NXPE2: variants seen among roughly 807,000 people sequenced by gnomAD.
NXPE2 encodes NXPE family member 2.
Under a neutral mutation model 34.4 loss-of-function variants are expected in NXPE2, and 34 were observed. The observed-to-expected ratio is 0.99, with a 90% CI of 0.75 to 1.31. The LOEUF is 1.31. Ranked by LOEUF, NXPE2 falls within the 40% of genes most tolerant of loss-of-function variation. The probability of loss-of-function intolerance (pLI) is 0.00; values close to 1 mark genes in which losing one functional copy is unlikely to be tolerated. For missense variants in NXPE2, 649 were observed against 672.5 expected, an observed-to-expected ratio of 0.97 and a Z score of 0.39; for synonymous variants, 235 against 231.3, an observed-to-expected ratio of 1.02 and a Z score of -0.15.
chr11:114,642,521 G>A, the NXPE2 span, among the ~76,000 whole-genome samples: 1 of 151,976 alleles, frequency 6.6e-6, no homozygotes, highest in African/African-American at 2.4e-5. Flanking sequence ...ACAACATGCA[G>A]TATTTGGTTT....
At chr11:114,654,826 A>C in the NXPE2 span, among the ~76,000 whole-genome samples, 4 of 152,166 alleles carry the variant, frequency 2.6e-5, no homozygotes, top group African/African-American at 9.6e-5. Context: ...TTTCCTTTGG[A>C]TATATACCCA....
the NXPE2 span, among the ~76,000 whole-genome samples, chr11:114,800,746 C>G: frequency 1.3e-5 from 2 of 152,156 alleles, no homozygotes; most frequent in Non-Finnish European, 2.9e-5. Flanking sequence ...ATTGTGTAAT[C>G]TCTCTTGGTC....
At chr11:114,776,066 G>A in the NXPE2 span, among the ~76,000 whole-genome samples, 3 of 152,288 alleles carry the variant, frequency 2.0e-5, no homozygotes, top group South Asian at 6.2e-4. Flanking sequence ...CTCCATGGGA[G>A]GACCTGGGCA....
downstream of NXPE2, chr11:114,707,505 C>T (rs1951498430): frequency 5.9e-6 from 2 of 338,730 alleles, no homozygotes; most frequent in Non-Finnish European, 1.2e-5. Flanking sequence ...AGCGATTCTC[C>T]TGACTCAGCC....
chr11:114,559,031 A>T, the NXPE2 span, among the ~76,000 whole-genome samples: 1 of 152,248 alleles, frequency 6.6e-6, no homozygotes, highest in Non-Finnish European at 1.5e-5. Flanking sequence ...TTTACCTGTA[A>T]TATGAAGAGC....
At chr11:114,536,568 A>G in the NXPE2 span, among the ~76,000 whole-genome samples, 1 of 152,190 alleles carries the variant, frequency 6.6e-6, no homozygotes, top group Non-Finnish European at 1.5e-5. Flanking sequence ...GAGAAGAATC[A>G]AATAGACGCC....
chr11:114,771,517 G>A, the NXPE2 span, among the ~76,000 whole-genome samples: 2 of 152,022 alleles, frequency 1.3e-5, no homozygotes, highest in Admixed American at 6.5e-5. Flanking sequence ...CAGGGTCACA[G>A]GGAGACAGAA....
chr11:114,494,279 A>G, the NXPE2 span, among the ~76,000 whole-genome samples: 12 of 152,258 alleles, frequency 7.9e-5, no homozygotes, highest in African/African-American at 2.4e-4. Context: ...ATCTCTTTGA[A>G]TAAACTTTCT....
chr11:114,491,210 A>G, the NXPE2 span, among the ~76,000 whole-genome samples: 1 of 150,676 alleles, frequency 6.6e-6, no homozygotes, highest in Non-Finnish European at 1.5e-5. Flanking sequence ...AGAAACTACC[A>G]TCAGAGTGAA....
the NXPE2 span, among the ~76,000 whole-genome samples, chr11:114,528,290 C>T: frequency 6.6e-6 from 1 of 152,068 alleles, no homozygotes. Flanking sequence ...AGTTTTATCC[C>T]ACCTAAATTT....
the NXPE2 span, chr11:114,553,026 T>C: frequency 3.2e-5 from 6 of 187,770 alleles, no homozygotes; most frequent in Non-Finnish European, 6.0e-5. Flanking sequence ...CTGTGCTTCC[T>C]GAAATTCTTA....
chr11:114,727,297 G>A, the NXPE2 span, among the ~76,000 whole-genome samples: 13 of 152,138 alleles, frequency 8.5e-5, no homozygotes, highest in East Asian at 2.5e-3. Context: ...TGCATTACAG[G>A]TGGCTGACCT....
At chr11:114,789,241 C>T in the NXPE2 span, among the ~76,000 whole-genome samples, 4 of 152,138 alleles carry the variant, frequency 2.6e-5, no homozygotes, top group Non-Finnish European at 5.9e-5. Flanking sequence ...CTTGGTTTAG[C>T]CATTCCATTT....
chr11:114,601,824 A>T, the NXPE2 span, among the ~76,000 whole-genome samples: 4 of 70,398 alleles, frequency 5.7e-5, no homozygotes, highest in African/African-American at 2.8e-4. Context: ...ATTATATATA[A>T]TATATAATTA....
chr11:114,661,813 GA>G, the NXPE2 span, among the ~76,000 whole-genome samples: 1 of 152,328 alleles, frequency 6.6e-6, no homozygotes, highest in East Asian at 1.9e-4. Flanking sequence ...TGGTGTCAGT[GA>G]AAAGATAGAC....
the NXPE2 span, among the ~76,000 whole-genome samples, chr11:114,661,728 G>T: frequency 1.3e-5 from 2 of 152,150 alleles, no homozygotes; most frequent in Non-Finnish European, 2.9e-5. Flanking sequence ...CAAGGCCACT[G>T]GTGACTTGTC....
the NXPE2 span, among the ~76,000 whole-genome samples, chr11:114,487,404 A>C: frequency 2.0e-5 from 3 of 152,152 alleles, no homozygotes; most frequent in African/African-American, 7.2e-5. Context: ...TGGAGTCTTT[A>C]GGTTTTTCCA....
the NXPE2 span, among the ~76,000 whole-genome samples, chr11:114,628,060 C>T: frequency 2.7e-5 from 4 of 150,146 alleles, no homozygotes; most frequent in African/African-American, 9.9e-5. Context: ...GACTCCCACA[C>T]GTTAATAATG....
chr11:114,691,211 T>C (rs1178649313), intron 2 of NXPE2, among the ~76,000 whole-genome samples: 1 of 152,164 alleles, frequency 6.6e-6, no homozygotes, highest in Non-Finnish European at 1.5e-5. Flanking sequence ...TGACACTTCT[T>C]TTCTTCCCTT....
Sources: gnomAD v4.1 joint callset for allele counts (sites outside exome capture counted in the v4.1 genomes callset) on GRCh38, gnomAD v4.1.1 for gene constraint, MANE v1.5 for transcripts, NCBI Gene and HGNC (gene_info 2026-07-23, HGNC 2026-07-21) for gene names.